Variants in IQGAP1 observed in about 807,000 individuals in gnomAD.
The protein encoded by IQGAP1 is ras GTPase-activating-like protein IQGAP1.
A neutral mutation model predicts 215.6 loss-of-function variants in IQGAP1; 66 were observed. That is an observed-to-expected ratio of 0.31 (90% CI 0.25 to 0.38). IQGAP1 has a LOEUF of 0.38. Ranked by LOEUF, IQGAP1 falls within the 10% of genes least tolerant of loss-of-function variation. The pLI, the probability that IQGAP1 is intolerant of heterozygous loss-of-function variation, is 1.00. For synonymous variants in IQGAP1, 772 were observed against 728.7 expected (o/e 1.06, Z -0.96); for missense variants, 1,712 against 1,997.1 (o/e 0.86, Z 2.72).
Position 90,452,677 on chromosome 15 carries a change from A to G in IQGAP1, c.1163-98A>G, listed in dbSNP as rs1965620954. On this transcript the variant is annotated intron_variant, in intron 11 of 37. Transcript: ENST00000268182. ...TTCCACTTCAAACTTCATGGCTGAT[A>G]GCCACAGAATGTGATATTTTTCCCA... 3 of 1,362,028 alleles carry G rather than the reference A, an allele frequency of 2.2e-6. No individual in the cohort carries two copies. The South Asian group carries it at 4.1e-5, about 19-fold the overall frequency. 84.4% of individuals were successfully genotyped at this position (1,362,028 alleles called of 1,614,324 possible).
Position 90,453,295 on chromosome 15 carries a change from G to A in IQGAP1, c.1487+3G>A, listed in dbSNP as rs1418415006. On this transcript the variant is annotated splice_donor_region_variant and intron_variant, in intron 13 of 37. Transcript: ENST00000268182. Reference sequence around the variant, plus strand: ...ATTGAGGAAGAAAACTGTCAGAGGTGGGTGTCCAGAGTGAAGGGAATAAAT... The same window carrying A: ...ATTGAGGAAGAAAACTGTCAGAGGTAGGTGTCCAGAGTGAAGGGAATAAAT... 9.3e-6 allele frequency: 15 copies of A among 1,608,478 alleles called. No homozygotes were observed. The highest frequency in any genetic ancestry group is 1.3e-5 in the Non-Finnish European group (15 of 1,177,072).
intron 2 of IQGAP1, among the ~76,000 whole-genome samples, chr15:90,407,875 T>G (rs1964902285): frequency 6.6e-6 from 1 of 152,202 alleles, no homozygotes; most frequent in African/African-American, 2.4e-5. Context: ...CCTTAGGAGC[T>G]TACGGATTAA....
At chr15:90,400,081 C>G (rs758985732) in intron 2 of IQGAP1, among the ~76,000 whole-genome samples, 1 of 151,894 alleles carries the variant, frequency 6.6e-6, no homozygotes, top group Non-Finnish European at 1.5e-5. Context: ...TAAACATTTC[C>G]CCAGTTAACA....
chr15:90,467,716 C>G, intron 18 of IQGAP1, 124 bp downstream of exon 18: 1 of 955,328 alleles, frequency 1.0e-6, no homozygotes, highest in Non-Finnish European at 1.5e-6. Flanking sequence ...ATGTAATGAG[C>G]TGTTTTGCGG....
At chr15:90,433,842 G>T (rs768525922) in intron 5 of IQGAP1, 47 bp downstream of exon 5, 1 of 1,103,898 alleles carries the variant, frequency 9.1e-7, no homozygotes, top group South Asian at 1.4e-5. Flanking sequence ...AATAACATCT[G>T]AATTGAGTGT....
rs557993591 is a variant in IQGAP1 at position 90,418,806 on chromosome 15, C to G, written c.156-7304C>G. Reference sequence around the variant, plus strand: ...ATTTGTAAGGGAATGTTCAGTAGGTCGTAACTGTTGTTATTGTTGAAGGAG... The same window carrying G: ...ATTTGTAAGGGAATGTTCAGTAGGTGGTAACTGTTGTTATTGTTGAAGGAG... On this transcript the variant is annotated intron_variant, in intron 2 of 37. Transcript: ENST00000268182. Among the ~76,000 whole-genome samples, 7 of 152,058 alleles carry G rather than the reference C, an allele frequency of 4.6e-5. No homozygotes were observed. The South Asian group carries it at 1.2e-3, about 27-fold the overall frequency.
At chr15:90,392,482 C>G (rs1389881840) in intron 2 of IQGAP1, among the ~76,000 whole-genome samples, 1 of 152,212 alleles carries the variant, frequency 6.6e-6, no homozygotes, top group Non-Finnish European at 1.5e-5. Context: ...GGTGATTCCA[C>G]TGAGGTGACC....
intron 2 of IQGAP1, among the ~76,000 whole-genome samples, chr15:90,399,791 G>A (rs1042040513): frequency 2.0e-5 from 3 of 152,052 alleles, no homozygotes; most frequent in Non-Finnish European, 4.4e-5. Flanking sequence ...GGAATTACAG[G>A]CCTCTAATAT....
chr15:90,444,321 C>T (rs1297544405), intron 9 of IQGAP1, among the ~76,000 whole-genome samples: 3 of 144,024 alleles, frequency 2.1e-5, no homozygotes. Context: ...CAGAGTTACA[C>T]TTTGTTGTTT....
At chr15:90,424,224 A>C (rs192646013) in intron 2 of IQGAP1, among the ~76,000 whole-genome samples, 1 of 151,946 alleles carries the variant, frequency 6.6e-6, no homozygotes, top group African/African-American at 2.4e-5. Context: ...GAACTACACT[A>C]TTTTCCGTAC....
chr15:90,416,404 C>G (rs1488847142), intron 2 of IQGAP1, among the ~76,000 whole-genome samples: 1 of 152,130 alleles, frequency 6.6e-6, no homozygotes, highest in Non-Finnish European at 1.5e-5. Flanking sequence ...ATTTATAATC[C>G]TTTGGGTACA....
In IQGAP1 at chr15:90,390,928, G is replaced by A. The variant is rs540696882; in HGVS notation, c.155+55G>A. The A allele has an allele frequency of 5.2e-4, 565 of 1,085,406 alleles. 9 individuals are homozygous for A. The South Asian group carries it at 6.7e-3, about 13-fold the overall frequency. The allele number at this position is 1,085,406 out of a possible 1,614,324, so 67.2% of individuals were successfully genotyped here. On this transcript the variant is annotated intron_variant, in intron 2 of 37. Transcript: ENST00000268182. ...AAGAGAAGGGAACTGATAATAGTGT[G>A]AATACAAATAAAGATTGCTTTGAGG...
At chr15:90,458,458 C>G (rs1015750318) in intron 15 of IQGAP1, among the ~76,000 whole-genome samples, 1 of 152,128 alleles carries the variant, frequency 6.6e-6, no homozygotes, top group South Asian at 2.1e-4. Flanking sequence ...TCTCCGAAAC[C>G]CCACTCCTCT....
At position 90,450,330 on chromosome 15, in the gene IQGAP1, CTTTTTTTTTTTTTTTTTTT is replaced by C. The variant is rs869037347; in HGVS notation, c.1162+702_1162+720del. The stretch of plus-strand genomic sequence containing the variant: ...ATATTCCATTATGTGTATACACTAC[CTTTTTTTTTTTTTTTTTTT>C]TTTTTTTTTTTTTTACCATTTATTC... On this transcript the variant is annotated intron_variant, in intron 11 of 37. Coordinates refer to ENST00000268182, the MANE Select transcript of IQGAP1 (RefSeq NM_003870.4). Among the ~76,000 whole-genome samples, 9 of 54,460 alleles carry C rather than the reference CTTTTTTTTTTTTTTTTTTT, an allele frequency of 1.7e-4. No individual in the cohort carries two copies. The South Asian group carries it at 4.6e-3, about 28-fold the overall frequency. The allele number at this position is 54,460 out of a possible 152,430, so 35.7% of individuals were successfully genotyped here. A position where few individuals can be genotyped will look rare whatever the true frequency, so the allele number is the denominator to read the frequency against.
chr15:90,476,957 A>G (rs762347519), intron 24 of IQGAP1, 110 bp from the exon 25 acceptor site: 19 of 1,340,476 alleles, frequency 1.4e-5, no homozygotes, highest in Non-Finnish European at 2.0e-5. Flanking sequence ...ATGTTAATTT[A>G]TTAATCTTTT....
At chr15:90,467,689 A>G (rs1385794860) in intron 18 of IQGAP1, 97 bp downstream of exon 18, 17 of 1,279,586 alleles carry the variant, frequency 1.3e-5, no homozygotes, top group Middle Eastern at 2.6e-4. Flanking sequence ...CAGAAGCCCT[A>G]GACTAAAATT....
Position 90,496,199 on chromosome 15 carries a change from A to G in IQGAP1, c.4752-1033A>G, listed in dbSNP as rs1413150682. The stretch of plus-strand genomic sequence containing the variant: ...CTTTAACTCTCAGTGACCTTTTTGC[A>G]TCTTTCATGGTTCTCAGCCCTGTTC... On this transcript the variant is annotated intron_variant, in intron 36 of 37. Coordinates refer to ENST00000268182, the MANE Select transcript of IQGAP1 (RefSeq NM_003870.4). Among the ~76,000 whole-genome samples the G allele has an allele frequency of 2.0e-5, 3 of 150,790 alleles. No homozygotes were observed. In the East Asian group the frequency reaches 5.8e-4, roughly 29 times the overall value.
At chr15:90,480,063 T>C (rs909860432) in intron 26 of IQGAP1, among the ~76,000 whole-genome samples, 13 of 152,038 alleles carry the variant, frequency 8.6e-5, no homozygotes, top group East Asian at 1.9e-4. Context: ...TGGGTACCTA[T>C]AAGAAACTGG....
At chr15:90,413,535 A>G (rs188585410) in intron 2 of IQGAP1, among the ~76,000 whole-genome samples, 46 of 152,184 alleles carry the variant, frequency 3.0e-4, no homozygotes, top group African/African-American at 1.1e-3. Context: ...AAATGATTAC[A>G]TTTTTAGACG....
Sources: allele counts gnomAD v4.1 joint callset (sites outside exome capture counted in the v4.1 genomes callset), GRCh38; gene constraint gnomAD v4.1.1; transcripts MANE v1.5; gene names NCBI Gene and HGNC (gene_info 2026-07-23, HGNC 2026-07-21).